The following DOCK2 variants were observed in gnomAD, a reference collection of about 807,000 sequenced individuals.
DOCK2 encodes the protein dedicator of cytokinesis 2, also known as dedicator of cytokinesis protein 2.
A neutral mutation model predicts 248.9 loss-of-function variants in DOCK2; 87 were observed. The ratio of observed to expected loss-of-function variants is 0.35; its 90% CI spans 0.29 to 0.42. The LOEUF is 0.42. Ranked by LOEUF, DOCK2 falls within the 10% of genes least tolerant of loss-of-function variation. The pLI is 1.00. For synonymous variants in DOCK2, 805 were observed against 821.6 expected, an observed-to-expected ratio of 0.98 and a Z score of 0.35; for missense variants, 1,747 against 2,300.2, an observed-to-expected ratio of 0.76 and a Z score of 4.92.
chr5:169,920,209 T>C (rs1264901100), intron 27 of DOCK2, among the ~76,000 whole-genome samples: 1 of 152,168 alleles, frequency 6.6e-6, no homozygotes, highest in East Asian at 1.9e-4. Context: ...ACTCAGCTCC[T>C]CACCACCATG....
rs2113874898 is a variant in DOCK2 at position 170,076,098 on chromosome 5, C to T, written c.4866+14C>T. 1 of 1,584,280 alleles carries T rather than the reference C, an allele frequency of 6.3e-7. No homozygotes were observed. Among genetic ancestry groups the T allele is most frequent in the East Asian group, 2.3e-5 (1 of 43,862 alleles). ...GTCCGAGAGATGGTATGGGTGGTTCCTATGGCTTGGAGGGGTGGGATTGTG... is the reference window on the plus strand; with the variant it reads ...GTCCGAGAGATGGTATGGGTGGTTCTTATGGCTTGGAGGGGTGGGATTGTG... On this transcript the variant is annotated intron_variant, in intron 47 of 51. Transcript: ENST00000520908.
intron 27 of DOCK2, among the ~76,000 whole-genome samples, chr5:169,904,595 C>T (rs1223697921): frequency 1.3e-5 from 2 of 152,140 alleles, no homozygotes; most frequent in Admixed American, 1.3e-4. Context: ...ATCTCATTCT[C>T]TCTCATTCAC....
chr5:169,934,211 C>T (rs1184388598), intron 27 of DOCK2, among the ~76,000 whole-genome samples: 1 of 152,148 alleles, frequency 6.6e-6, no homozygotes, highest in Non-Finnish European at 1.5e-5. Flanking sequence ...CTTTATTGTT[C>T]ACGTAATAAC....
rs1048592568 is a variant in DOCK2, at chr5:169,764,994, C to G, written c.2554+3369C>G. 6.6e-6 allele frequency among the ~76,000 whole-genome samples: 1 copy of G among 151,810 alleles called. No individual in the cohort carries two copies. The highest frequency in any genetic ancestry group is 1.5e-5 in the Non-Finnish European group (1 of 67,992). On this transcript the variant is annotated intron_variant, in intron 25 of 51. Coordinates refer to ENST00000520908, the MANE Select transcript of DOCK2 (RefSeq NM_004946.3). The surrounding 1 kb of genome is among the most constrained non-coding windows in gnomAD (Gnocchi z 4.3). ...ACTTCATTGTTTGTGTTACTACAGG[C>G]TCCAACATAGTTACATAGTTTTGGA...
intron 27 of DOCK2, chr5:169,875,323 C>T (rs1350538013): frequency 2.2e-6 from 1 of 456,682 alleles, no homozygotes; most frequent in Admixed American, 2.3e-5. Flanking sequence ...CATAGACACC[C>T]AGGAGGTTCC....
At chr5:169,826,573 A>G (rs572277002) in intron 26 of DOCK2, among the ~76,000 whole-genome samples, 1 of 152,302 alleles carries the variant, frequency 6.6e-6, no homozygotes, top group South Asian at 2.1e-4. Flanking sequence ...TGGGAAGATC[A>G]TAATCAGAAT....
At chr5:169,865,077 A>G (rs1239024644) in intron 27 of DOCK2, among the ~76,000 whole-genome samples, 1 of 152,184 alleles carries the variant, frequency 6.6e-6, no homozygotes, top group Non-Finnish European at 1.5e-5. Context: ...CAACTTCAAG[A>G]TATATCTTGG....
At chr5:169,796,441 A>G (rs1766660797) in intron 25 of DOCK2, among the ~76,000 whole-genome samples, 1 of 152,078 alleles carries the variant, frequency 6.6e-6, no homozygotes, top group East Asian at 1.9e-4. Context: ...CTGACCTTCT[A>G]TTATTTCTGG....
At chr5:170,076,773 C>T (rs1397552228) in intron 47 of DOCK2, among the ~76,000 whole-genome samples, 2 of 152,224 alleles carry the variant, frequency 1.3e-5, no homozygotes, top group Non-Finnish European at 2.9e-5. Context: ...TACAGATGCA[C>T]TCAGGTCTCT....
At chr5:169,727,704 A>G (rs1360882112) in intron 22 of DOCK2, among the ~76,000 whole-genome samples, 3 of 152,236 alleles carry the variant, frequency 2.0e-5, no homozygotes, top group Non-Finnish European at 4.4e-5. Flanking sequence ...CATTAAACTT[A>G]TAAACACTTA....
chr5:169,993,301 T>A (rs1349850524), intron 29 of DOCK2, among the ~76,000 whole-genome samples: 3 of 152,338 alleles, frequency 2.0e-5, no homozygotes, highest in African/African-American at 7.2e-5. Flanking sequence ...TCTGTTTTTG[T>A]ATGGTGCTGC....
At chr5:169,753,586 G>T (rs564459209) in intron 23 of DOCK2, among the ~76,000 whole-genome samples, 1 of 152,180 alleles carries the variant, frequency 6.6e-6, no homozygotes, top group East Asian at 1.9e-4. Context: ...AATTTTGGCT[G>T]TGTAAGTCCA....
chr5:169,943,447 A>G (rs979373115), intron 27 of DOCK2, among the ~76,000 whole-genome samples: 4 of 152,174 alleles, frequency 2.6e-5, no homozygotes, highest in African/African-American at 9.7e-5. Flanking sequence ...CCTTTCTAAC[A>G]TTTAAACTCT....
At chr5:169,947,630 C>T (rs1776500466) in intron 27 of DOCK2, among the ~76,000 whole-genome samples, 3 of 152,172 alleles carry the variant, frequency 2.0e-5, no homozygotes, top group Admixed American at 2.0e-4. Flanking sequence ...ATTCCTCTCC[C>T]TCCAAAAATG....
intron 27 of DOCK2, among the ~76,000 whole-genome samples, chr5:169,857,741 A>G (rs895064485): frequency 2.6e-5 from 4 of 152,198 alleles, no homozygotes; most frequent in African/African-American, 7.2e-5. Context: ...ACTAAAAAAA[A>G]AAAAAAGAAA....
At chr5:169,974,294 A>G (rs1777634489) in intron 27 of DOCK2, among the ~76,000 whole-genome samples, 1 of 152,200 alleles carries the variant, frequency 6.6e-6, no homozygotes, top group South Asian at 2.1e-4. Context: ...GTATCCTATA[A>G]CTGTTGGCTA....
At chr5:169,805,146 A>T (rs114335629) in intron 26 of DOCK2, among the ~76,000 whole-genome samples, 1,621 of 150,144 alleles carry the variant, frequency 0.011, 27 homozygotes, top group African/African-American at 0.038. Flanking sequence ...TGGGTAGCCC[A>T]GGGAGGAGGA....
At chr5:170,055,699 G>T (rs1024127867) in intron 42 of DOCK2, among the ~76,000 whole-genome samples, 27 of 152,250 alleles carry the variant, frequency 1.8e-4, no homozygotes, top group African/African-American at 5.1e-4. Flanking sequence ...AGTGGCCCCA[G>T]GGAGTCCACA....
intron 27 of DOCK2, among the ~76,000 whole-genome samples, chr5:169,981,854 G>A (rs1351924270): frequency 6.6e-6 from 1 of 152,052 alleles, no homozygotes; most frequent in East Asian, 1.9e-4. Context: ...ATACTTAATA[G>A]ACTACAATAG....
Sources: allele counts gnomAD v4.1 joint callset (sites outside exome capture counted in the v4.1 genomes callset), GRCh38; gene constraint gnomAD v4.1.1; non-coding constraint Gnocchi (gnomAD v3.1); transcripts MANE v1.5; gene names NCBI Gene and HGNC (gene_info 2026-07-23, HGNC 2026-07-21).